The following PRSS58 variants were observed in gnomAD, a reference collection of about 807,000 sequenced individuals.
PRSS58 encodes serine protease 58, also known as protease, serine 58.
PRSS58 carries 31 observed loss-of-function variants against 25.0 expected under a neutral mutation model. The observed-to-expected ratio is 1.24, with a 90% CI of 0.93 to 1.67. The LOEUF (loss-of-function observed/expected upper bound fraction) is 1.67. Among genes scored for constraint, PRSS58 ranks in the 40% most tolerant of loss-of-function variants. PRSS58 has a pLI of 0.00. For synonymous variants in PRSS58, 119 were observed against 106.1 expected, an observed-to-expected ratio of 1.12 and a Z score of -0.75; for missense variants, 324 against 287.9, an observed-to-expected ratio of 1.13 and a Z score of -0.91.
Position 142,252,190 on chromosome 7 carries a change from G to A in PRSS58, c.*31C>T, listed in dbSNP as rs1798476002. ...TTCTAAAGGTGAACGATGGGGACAA[G>A]CTGTGTCATATGGTCCACAACTGCC... On this transcript the variant is annotated 3_prime_UTR_variant, in exon 6 of 6. Coordinates refer to ENST00000547058, the MANE Select transcript of PRSS58 (RefSeq NM_001001317.5). 2.5e-6 allele frequency: 4 copies of A among 1,585,890 alleles called. No homozygotes were observed. The highest frequency in any genetic ancestry group is 3.4e-6 in the Non-Finnish European group (4 of 1,165,910).
intron 4 of PRSS58, among the ~76,000 whole-genome samples, chr7:142,252,928 TG>T (rs1585252231): frequency 6.6e-6 from 1 of 152,240 alleles, no homozygotes; most frequent in Non-Finnish European, 1.5e-5. Context: ...GGCTCACGCC[TG>T]TAATCCCAGC....
chr7:142,252,314 A>C lies in PRSS58; in HGVS notation c.633T>G (p.Phe211Leu). 1 of 1,614,188 alleles carries C rather than the reference A, an allele frequency of 6.2e-7. No homozygotes were observed. Residue 211 changes from phenylalanine (F) to leucine (L), a missense_variant, in exon 6 of 6, where the codon TTT (phenylalanine) becomes TTG (leucine). By Grantham distance (22) the Phe-to-Leu change is conservative (BLOSUM62 0). Transcript: ENST00000547058. ...CAGCTCTCAAAACACATCCATCCGC[A>C]AAAGACAGGATTCCTTGAAGCATCC... ...CNGMLQGILS[F>L]ADGCVLRADV...
chr7:142,257,869 G>T (rs1001864912), intron 1 of PRSS58, 121 bp from the exon 2 acceptor site: 15 of 647,830 alleles, frequency 2.3e-5, no homozygotes, highest in Non-Finnish European at 4.1e-5. Context: ...CCATTATTCA[G>T]AGGAGAGTGT....
chr7:142,252,585 C>G lies in PRSS58; in HGVS notation c.463G>C (p.Val155Leu). ...IYKEPDSLQT[V>L]NISVISKPQC... Reference sequence around the variant, plus strand: ...GGCTTGGAGATTACAGAGATGTTCACAGTTTGCAGTGAATCGGGCTCTTTG... The same window carrying G: ...GGCTTGGAGATTACAGAGATGTTCAGAGTTTGCAGTGAATCGGGCTCTTTG... Residue 155 changes from valine to leucine, a missense_variant, in exon 5 of 6, where the codon GTG (valine) becomes CTG (leucine). Physicochemically the swap from Val to Leu is conservative, Grantham distance 32. Transcript: ENST00000547058. 6.2e-7 allele frequency: 1 copy of G among 1,613,520 alleles called. No homozygotes were observed. Among genetic ancestry groups the G allele is most frequent in the Non-Finnish European group, 8.5e-7 (1 of 1,179,900 alleles).
At chr7:142,256,313 A>C (rs554159976) in intron 2 of PRSS58, among the ~76,000 whole-genome samples, 3 of 152,226 alleles carry the variant, frequency 2.0e-5, no homozygotes, top group Non-Finnish European at 4.4e-5. Context: ...GTAGGATGTT[A>C]AATGGTGATT....
Position 142,252,383 on chromosome 7 carries a change from C to A in PRSS58, c.577-13G>T. On this transcript the variant is annotated splice_polypyrimidine_tract_variant and intron_variant, in intron 5 of 5. Transcript: ENST00000547058. Reference sequence around the variant, plus strand: ...CAGCAGAAACTTCCTGCCAGGAAAACAATAATAACAACAACAAAAAAGCAG... The same window carrying A: ...CAGCAGAAACTTCCTGCCAGGAAAAAAATAATAACAACAACAAAAAAGCAG... 1 of 1,611,288 alleles carries A rather than the reference C, an allele frequency of 6.2e-7. No homozygotes were observed. Among genetic ancestry groups the A allele is most frequent in the Non-Finnish European group, 8.5e-7 (1 of 1,179,208 alleles).
At chr7:142,257,548 G>T in intron 2 of PRSS58, 120 bp downstream of exon 2, 1 of 864,804 alleles carries the variant, frequency 1.2e-6, no homozygotes, top group Non-Finnish European at 1.9e-6. Context: ...GCAGTGGAGA[G>T]GGACAGAGGA....
In PRSS58 at chr7:142,255,677, G is replaced by C. The variant is rs1181364838; in HGVS notation, c.41-4C>G. 1.9e-6 allele frequency: 3 copies of C among 1,599,862 alleles called. No individual in the cohort carries two copies. The African/African-American group carries it at 4.0e-5, about 22-fold the overall frequency. ...TCTGGATTAAAGGCCAAAGCAACTGGAAAGAGAAGCATAGACAAGAAATTC... is the reference window on the plus strand; with the variant it reads ...TCTGGATTAAAGGCCAAAGCAACTGCAAAGAGAAGCATAGACAAGAAATTC... On this transcript the variant is annotated splice_polypyrimidine_tract_variant and splice_region_variant and intron_variant, in intron 2 of 5. Coordinates refer to ENST00000547058, the MANE Select transcript of PRSS58 (RefSeq NM_001001317.5).
In PRSS58 at chr7:142,255,144, T is replaced by A. The variant is rs745703116; in HGVS notation, c.347A>T (p.Tyr116Phe). 6.2e-7 allele frequency: 1 copy of A among 1,614,078 alleles called. No individual in the cohort carries two copies. The highest frequency in any genetic ancestry group is 2.2e-5 in the East Asian group (1 of 44,882). Residue 116 changes from tyrosine to phenylalanine, a missense_variant, in exon 4 of 6, where the codon TAT becomes TTT. Coordinates refer to ENST00000547058, the MANE Select transcript of PRSS58 (RefSeq NM_001001317.5). The stretch of plus-strand genomic sequence containing the variant: ...GTAGGGCAGGTTGGCTAATTTCACA[T>A]AGTCATTGAGTTCAGCCTCTGTTTT... Reference protein sequence around the residue: ...KLKTEAELNDYVKLANLPYQT... With the variant: ...KLKTEAELNDFVKLANLPYQT...
Position 142,252,304 on chromosome 7 carries a change from A to G in PRSS58, c.643T>C (p.Cys215Arg). Residue 215 changes from cysteine to arginine, a missense_variant, in exon 6 of 6, where the codon TGT (cysteine) becomes CGT (arginine). By Grantham distance (180) the Cys-to-Arg change is radical. Coordinates refer to ENST00000547058, the MANE Select transcript of PRSS58 (RefSeq NM_001001317.5). Reference protein sequence around the residue: ...LQGILSFADGCVLRADVGIYA... With the variant: ...LQGILSFADGRVLRADVGIYA... ...ATGCCAACATCAGCTCTCAAAACAC[A>G]TCCATCCGCAAAAGACAGGATTCCT... The G allele has an allele frequency of 6.2e-7, 1 of 1,614,178 alleles. No homozygotes were observed.
chr7:142,257,861 A>T (rs1015378504), intron 1 of PRSS58, 113 bp from the exon 2 acceptor site: 10 of 666,372 alleles, frequency 1.5e-5, no homozygotes, highest in African/African-American at 1.4e-4. Flanking sequence ...AATGGTGTCC[A>T]TTATTCAGAG....
intron 2 of PRSS58, among the ~76,000 whole-genome samples, chr7:142,257,108 G>A (rs373719867): frequency 1.3e-5 from 2 of 152,206 alleles, no homozygotes; most frequent in South Asian, 4.1e-4. Context: ...GTAGAGTGTA[G>A]AAGTATAGAG....
At chr7:142,255,364 C>A in intron 3 of PRSS58, 53 bp from the exon 4 acceptor site, 1 of 1,592,572 alleles carries the variant, frequency 6.3e-7, no homozygotes, top group South Asian at 1.1e-5. Flanking sequence ...GCTTCTCCAT[C>A]ATTATGAGCC....
intron 3 of PRSS58, 26 bp from the exon 4 acceptor site, chr7:142,255,337 A>G: frequency 6.2e-7 from 1 of 1,605,518 alleles, no homozygotes; most frequent in East Asian, 2.2e-5. Context: ...CGTTTATGAG[A>G]GGACTTAACA....
chr7:142,255,014 G>T, intron 4 of PRSS58, 41 bp downstream of exon 4: 2 of 1,601,028 alleles, frequency 1.2e-6, no homozygotes, highest in Non-Finnish European at 1.7e-6. Flanking sequence ...AGGTGTAGAA[G>T]CATGTCTAAT....
Position 142,254,428 on chromosome 7 carries a change from G to C in PRSS58, c.436+627C>G, listed in dbSNP as rs183332422. ...AAGTTTAGATAGACTATCTAGTTCA[G>C]GAGTTTCAAATTATGTATAGAAAAC... On this transcript the variant is annotated intron_variant, in intron 4 of 5. Transcript: ENST00000547058. 2.0e-3 allele frequency among the ~76,000 whole-genome samples: 297 copies of C among 152,174 alleles called. 1 individual carries two copies. Among genetic ancestry groups the C allele is most frequent in the African/African-American group, 6.7e-3 (280 of 41,532 alleles).
chr7:142,252,666 T>A, intron 4 of PRSS58, 55 bp from the exon 5 acceptor site: 4 of 1,544,218 alleles, frequency 2.6e-6, no homozygotes, highest in South Asian at 1.2e-5. Context: ...GTATTAAAAC[T>A]TCTTTTAAAA....
At chr7:142,252,659 T>C (rs1356914319) in intron 4 of PRSS58, 48 bp from the exon 5 acceptor site, 4 of 1,551,270 alleles carry the variant, frequency 2.6e-6, no homozygotes, top group East Asian at 2.2e-5. Flanking sequence ...TTGTTAGGTA[T>C]TAAAACTTCT....
chr7:142,252,505 C>G lies in PRSS58; in HGVS notation c.543G>C (p.Val181=). 2 of 1,614,148 alleles carry G rather than the reference C, an allele frequency of 1.2e-6. No individual in the cohort carries two copies. The highest frequency in any genetic ancestry group is 1.7e-6 in the Non-Finnish European group (2 of 1,180,038). The change falls in exon 5 of 6, where the codon GTG becomes GTC. Residue 181 remains valine, a synonymous_variant. Coordinates refer to ENST00000547058, the MANE Select transcript of PRSS58 (RefSeq NM_001001317.5). ...TYNITENMLC[V]GIVPGRRQPC... ...GCTGCCTCCTTCCTGGCACAATGCCCACACACAGCATATTTTCCGTGATGT... is the reference window on the plus strand; with the variant it reads ...GCTGCCTCCTTCCTGGCACAATGCCGACACACAGCATATTTTCCGTGATGT...
Sources: allele counts gnomAD v4.1 joint callset (sites outside exome capture counted in the v4.1 genomes callset), GRCh38; gene constraint gnomAD v4.1.1; transcripts MANE v1.5; gene names NCBI Gene and HGNC (gene_info 2026-07-23, HGNC 2026-07-21).